DLG2: variants seen among roughly 807,000 people sequenced by gnomAD.
DLG2 encodes the protein disks large homolog 2.
Under a neutral mutation model 132.5 loss-of-function variants are expected in DLG2, and 45 were observed. That is an observed-to-expected ratio of 0.34 (90% CI 0.27 to 0.44). The LOEUF (loss-of-function observed/expected upper bound fraction) is 0.44. Among genes scored for constraint, DLG2 ranks in the 20% least tolerant of loss-of-function variants. The pLI is 1.00. For synonymous variants in DLG2, 424 were observed against 419.6 expected, an observed-to-expected ratio of 1.01 and a Z score of -0.13; for missense variants, 1,045 against 1,196.9, an observed-to-expected ratio of 0.87 and a Z score of 1.87.
chr11:85,372,557 C>T (rs1433944629), intron 3 of DLG2, among the ~76,000 whole-genome samples: 5 of 152,178 alleles, frequency 3.3e-5, no homozygotes, highest in Non-Finnish European at 5.9e-5. Flanking sequence ...TGCAGGTGAG[C>T]GTGGCTGATT....
intron 3 of DLG2, among the ~76,000 whole-genome samples, chr11:85,466,373 G>A (rs554356920): frequency 3.7e-4 from 57 of 152,326 alleles, no homozygotes; most frequent in Non-Finnish European, 6.8e-4. Flanking sequence ...TTTTAGACAT[G>A]AAGTCCTTGC....
rs549081176 is a variant in DLG2 at position 84,714,188 on chromosome 11, ACAT to A, written c.358-179460_358-179458del. Among the ~76,000 whole-genome samples, 651 of 130,050 alleles carry A rather than the reference ACAT, an allele frequency of 5.0e-3. 5 individuals are homozygous for A. Among genetic ancestry groups the A allele is most frequent in the Non-Finnish European group, 7.5e-3 (484 of 64,812 alleles). 85.3% of individuals were successfully genotyped at this position (130,050 alleles called of 152,430 possible). A position where few individuals can be genotyped will look rare whatever the true frequency, so the allele number is the denominator to read the frequency against. On this transcript the variant is annotated intron_variant, in intron 6 of 27. Transcript: ENST00000376104. Reference sequence around the variant, plus strand: ...CATGTTACTATAAAATAAAAAAAAAACATATACCAAAATGGTCAACCTTTGGCA... The same window carrying A: ...CATGTTACTATAAAATAAAAAAAAAAATACCAAAATGGTCAACCTTTGGCA...
chr11:85,442,893 GGAA>G lies in DLG2; in HGVS notation c.40+155761_40+155763del, dbSNP rs147722663. On this transcript the variant is annotated intron_variant, in intron 3 of 27. Coordinates refer to ENST00000376104, the MANE Select transcript of DLG2 (RefSeq NM_001142699.3). ...GAACTTCTCTCAAAAAAAGGAAGAA[GGAA>G]GAAGAAGAAGGGAAGAAGAAGAAAG... is the stretch of plus-strand genomic sequence containing the variant. 1.2e-3 allele frequency among the ~76,000 whole-genome samples: 182 copies of G among 151,572 alleles called. 1 individual carries two copies. Among genetic ancestry groups the G allele is most frequent in the African/African-American group, 3.9e-3 (161 of 41,292 alleles).
intron 6 of DLG2, among the ~76,000 whole-genome samples, chr11:84,647,980 A>T (rs1284875018): frequency 2.0e-5 from 3 of 152,306 alleles, no homozygotes; most frequent in South Asian, 4.1e-4. Flanking sequence ...TCTCACAATA[A>T]TGCCATAAAG....
chr11:85,101,069 T>C (rs578049814), intron 6 of DLG2, among the ~76,000 whole-genome samples: 1 of 152,200 alleles, frequency 6.6e-6, no homozygotes, highest in South Asian at 2.1e-4. Flanking sequence ...AGATATAAGG[T>C]TGTAATATTC....
At chr11:84,473,981 G>T (rs1028481435) in intron 7 of DLG2, among the ~76,000 whole-genome samples, 4 of 151,990 alleles carry the variant, frequency 2.6e-5, no homozygotes, top group Non-Finnish European at 4.4e-5. Context: ...TCTCAGAGAG[G>T]TGGTAAAAGT....
At chr11:84,008,110 C>A (rs1318665441) in intron 11 of DLG2, among the ~76,000 whole-genome samples, 1 of 151,734 alleles carries the variant, frequency 6.6e-6, no homozygotes, top group Non-Finnish European at 1.5e-5. Flanking sequence ...TGGTCACTCA[C>A]ATCATCTATT....
At chr11:84,111,885 C>T (rs969841247) in intron 9 of DLG2, among the ~76,000 whole-genome samples, 4 of 152,186 alleles carry the variant, frequency 2.6e-5, no homozygotes, top group Non-Finnish European at 5.9e-5. Context: ...TTGATTCTAT[C>T]ACTTGAGTAA....
intron 18 of DLG2, among the ~76,000 whole-genome samples, chr11:83,665,267 G>C (rs559197137): frequency 1.3e-5 from 2 of 152,292 alleles, no homozygotes; most frequent in African/African-American, 2.4e-5. Context: ...TTAGTTCTAG[G>C]AGAGAAGCAA....
chr11:83,696,463 G>A (rs938329673), intron 18 of DLG2, among the ~76,000 whole-genome samples: 24 of 152,124 alleles, frequency 1.6e-4, no homozygotes, highest in Non-Finnish European at 1.0e-4. Context: ...CAGCCAGTCA[G>A]TCAGTCAGTA....
At chr11:83,601,383 G>T (rs904636651) in intron 19 of DLG2, among the ~76,000 whole-genome samples, 3 of 152,076 alleles carry the variant, frequency 2.0e-5, no homozygotes, top group Non-Finnish European at 2.9e-5. Context: ...TTCTGACTTG[G>T]TAAGTTGGTA....
intron 3 of DLG2, among the ~76,000 whole-genome samples, chr11:85,422,161 C>T (rs558492716): frequency 1.3e-5 from 2 of 152,266 alleles, no homozygotes; most frequent in East Asian, 3.9e-4. Flanking sequence ...AACAATGTGC[C>T]TAGGCAATAA....
intron 11 of DLG2, among the ~76,000 whole-genome samples, chr11:84,058,543 C>T (rs1402460759): frequency 1.2e-5 from 1 of 84,562 alleles, no homozygotes; most frequent in African/African-American, 3.3e-5. Context: ...TAATAATAAC[C>T]ACATGCACTA....
intron 16 of DLG2, among the ~76,000 whole-genome samples, chr11:83,857,518 T>A (rs1464730976): frequency 2.0e-5 from 3 of 152,112 alleles, no homozygotes; most frequent in African/African-American, 4.8e-5. Context: ...AAGAAGATCA[T>A]CCCCAAGACA....
chr11:85,097,757 A>G (rs2070123142), intron 6 of DLG2, among the ~76,000 whole-genome samples: 1 of 152,218 alleles, frequency 6.6e-6, no homozygotes, highest in African/African-American at 2.4e-5. Flanking sequence ...GACTGAAGAC[A>G]CTTTTAGTTT....
intron 3 of DLG2, among the ~76,000 whole-genome samples, chr11:85,457,289 G>C (rs75249002): frequency 0.036 from 5,395 of 151,366 alleles, 145 homozygotes; most frequent in Admixed American, 0.054. Context: ...CATTTGCTTG[G>C]TAGGTTTTTC....
intron 6 of DLG2, among the ~76,000 whole-genome samples, chr11:85,082,212 A>G (rs2067322434): frequency 6.6e-6 from 1 of 152,202 alleles, no homozygotes; most frequent in African/African-American, 2.4e-5. Context: ...AGAAAAAACA[A>G]GAATACAGAA....
intron 3 of DLG2, among the ~76,000 whole-genome samples, chr11:85,587,988 G>T (rs1022928451): frequency 1.3e-5 from 2 of 152,182 alleles, no homozygotes; most frequent in African/African-American, 4.8e-5. Context: ...ATTCTTGGCT[G>T]AAATATACTG....
At chr11:83,712,355 G>C (rs547370820) in intron 18 of DLG2, among the ~76,000 whole-genome samples, 8 of 152,094 alleles carry the variant, frequency 5.3e-5, no homozygotes, top group Non-Finnish European at 8.8e-5. Flanking sequence ...TTTGCCGGGC[G>C]TGGTGGCTTA....
Sources: gnomAD v4.1 joint callset for allele counts (sites outside exome capture counted in the v4.1 genomes callset) on GRCh38, gnomAD v4.1.1 for gene constraint, MANE v1.5 for transcripts, NCBI Gene and HGNC (gene_info 2026-07-23, HGNC 2026-07-21) for gene names.